DNAH6: variants seen among roughly 807,000 people sequenced by gnomAD.
The protein encoded by DNAH6 is axonemal beta dynein heavy chain 6.
DNAH6 carries 340 observed loss-of-function variants against 491.4 expected under a neutral mutation model. The observed-to-expected ratio is 0.69, with a 90% CI of 0.63 to 0.76. The LOEUF is 0.76. DNAH6 is among the 30% of genes least tolerant of loss of function. DNAH6 has a pLI of 0.00. For missense variants in DNAH6, 4,443 were observed against 4,972.2 expected, an observed-to-expected ratio of 0.89 and a Z score of 3.20; for synonymous variants, 1,603 against 1,686.1, an observed-to-expected ratio of 0.95 and a Z score of 1.21.
chr2:84,561,230 G>A (rs1331304884), intron 11 of DNAH6, among the ~76,000 whole-genome samples: 2 of 152,018 alleles, frequency 1.3e-5, no homozygotes, highest in Admixed American at 6.6e-5. Context: ...CAGAAATAAC[G>A]CCGCATATCT....
At chr2:84,633,891 C>T (rs1688628240) in intron 29 of DNAH6, among the ~76,000 whole-genome samples, 1 of 152,072 alleles carries the variant, frequency 6.6e-6, no homozygotes, top group Non-Finnish European at 1.5e-5. Flanking sequence ...AAATTTAAAA[C>T]CACTAGTTCT....
the DNAH6 span, among the ~76,000 whole-genome samples, chr2:84,465,962 C>T: frequency 2.6e-5 from 4 of 152,130 alleles, 1 homozygote; most frequent in Admixed American, 2.0e-4. Flanking sequence ...TTCATGTAAG[C>T]TCTTTTTAAG....
intron 62 of DNAH6, among the ~76,000 whole-genome samples, chr2:84,734,146 C>CTTT (rs11314819): frequency 3.1e-5 from 4 of 129,494 alleles, no homozygotes; most frequent in African/African-American, 8.7e-5. Flanking sequence ...TAAAACTACA[C>CTTT]TTTTTTTTTT....
chr2:84,516,180 A>C (rs1235619881), upstream of DNAH6, among the ~76,000 whole-genome samples: 2 of 152,236 alleles, frequency 1.3e-5, no homozygotes, highest in Non-Finnish European at 2.9e-5. Flanking sequence ...AACAGAAAAG[A>C]AATTCCTGTA....
intron 31 of DNAH6, among the ~76,000 whole-genome samples, chr2:84,638,754 ATTGGCTC>A (rs1689106157): frequency 6.6e-6 from 1 of 152,196 alleles, no homozygotes; most frequent in Non-Finnish European, 1.5e-5. Flanking sequence ...AAGAGGTTTA[ATTGGCTC>A]ATGGTTCTGC....
chr2:84,694,626 T>C, intron 46 of DNAH6, 146 bp downstream of exon 46: 1 of 609,854 alleles, frequency 1.6e-6, no homozygotes, highest in Non-Finnish European at 2.9e-6. Flanking sequence ...AAGACTTTTA[T>C]AATACATTTT....
intron 13 of DNAH6, among the ~76,000 whole-genome samples, chr2:84,578,074 CAG>C (rs1287170439): frequency 6.6e-6 from 1 of 152,120 alleles, no homozygotes; most frequent in Non-Finnish European, 1.5e-5. Flanking sequence ...GTAGTTGTGA[CAG>C]AGACTGTATT....
intron 11 of DNAH6, among the ~76,000 whole-genome samples, chr2:84,560,503 C>A (rs1355273913): frequency 6.7e-6 from 1 of 149,938 alleles, no homozygotes; most frequent in Non-Finnish European, 1.5e-5. Flanking sequence ...TACATGTGCA[C>A]AATGTGCAGG....
rs377514497 is a variant in DNAH6, at chr2:84,575,248, A to G, written c.1924+1661A>G. On this transcript the variant is annotated intron_variant, in intron 12 of 76. Transcript: ENST00000389394. ...TATTGTAGATCCTTAATAAATGTCTAACTGAACTTTTAGCCAGACTGCTCC... is the reference window on the plus strand; with the variant it reads ...TATTGTAGATCCTTAATAAATGTCTGACTGAACTTTTAGCCAGACTGCTCC... 7.2e-5 allele frequency among the ~76,000 whole-genome samples: 11 copies of G among 152,208 alleles called. No homozygotes were observed. The South Asian group carries it at 1.0e-3, about 14-fold the overall frequency.
chr2:84,723,862 G>A (rs1698397045), intron 60 of DNAH6, among the ~76,000 whole-genome samples: 1 of 152,154 alleles, frequency 6.6e-6, no homozygotes, highest in Non-Finnish European at 1.5e-5. Flanking sequence ...TTTCTCAAAA[G>A]CAAATTCAAT....
intron 42 of DNAH6, among the ~76,000 whole-genome samples, chr2:84,683,131 T>C (rs964772697): frequency 4.6e-5 from 7 of 152,212 alleles, no homozygotes; most frequent in African/African-American, 1.4e-4. Context: ...TGTCCCTTCA[T>C]AGCTCCTATT....
At chr2:84,551,069 A>G (rs1307532290) in intron 9 of DNAH6, among the ~76,000 whole-genome samples, 1 of 152,154 alleles carries the variant, frequency 6.6e-6, no homozygotes. Flanking sequence ...CAGAATACCT[A>G]CATGCTCACC....
chr2:84,628,737 T>C (rs1402488859), intron 29 of DNAH6, among the ~76,000 whole-genome samples: 1 of 152,054 alleles, frequency 6.6e-6, no homozygotes, highest in African/African-American at 2.4e-5. Flanking sequence ...CACTAGAAAA[T>C]GTCAGAGAAA....
chr2:84,713,626 C>A (rs1428435831), intron 57 of DNAH6, among the ~76,000 whole-genome samples: 1 of 152,216 alleles, frequency 6.6e-6, no homozygotes, highest in African/African-American at 2.4e-5. Context: ...CCTCCATCAG[C>A]AAAGACTATT....
chr2:84,515,308 C>T (rs955396699), upstream of DNAH6, among the ~76,000 whole-genome samples: 1 of 152,058 alleles, frequency 6.6e-6, no homozygotes, highest in Non-Finnish European at 1.5e-5. Flanking sequence ...TTTCCAGTTT[C>T]TCATTAGGGA....
At chr2:84,781,723 C>T in intron 65 of DNAH6, 70 bp downstream of exon 65, 1 of 1,439,364 alleles carries the variant, frequency 6.9e-7, no homozygotes, top group Non-Finnish European at 9.3e-7. Context: ...GAATTCATTC[C>T]TTATAGTAAT....
In DNAH6 at chr2:84,602,800, T is replaced by TTTG. The variant is rs199950431; in HGVS notation, c.2869-1537_2869-1536insGTT. ...TCCCACAGGTCTTGGATGCTCTGTT[T>TTTG]TTTTTTTTTTTTCTTTTCCCTCTTT... is the stretch of plus-strand genomic sequence containing the variant. On this transcript the variant is annotated intron_variant, in intron 18 of 76. Transcript: ENST00000389394. Among the ~76,000 whole-genome samples the TTTG allele has an allele frequency of 3.9e-3, 592 of 150,522 alleles. 7 individuals carry two copies. The highest frequency in any genetic ancestry group is 0.013 in the African/African-American group (541 of 41,094).
chr2:84,478,634 T>G, the DNAH6 span, among the ~76,000 whole-genome samples: 1 of 152,128 alleles, frequency 6.6e-6, no homozygotes, highest in Non-Finnish European at 1.5e-5. Context: ...AAAGCCAAAG[T>G]TGAATACCCT....
chr2:84,806,648 T>C (rs1679441535), intron 71 of DNAH6, among the ~76,000 whole-genome samples: 1 of 134,738 alleles, frequency 7.4e-6, no homozygotes, highest in South Asian at 2.3e-4. Context: ...AAAAAGGTCT[T>C]CCTGAATGAT....
Sources: gnomAD v4.1 joint callset for allele counts (sites outside exome capture counted in the v4.1 genomes callset) on GRCh38, gnomAD v4.1.1 for gene constraint, MANE v1.5 for transcripts, NCBI Gene and HGNC (gene_info 2026-07-23, HGNC 2026-07-21) for gene names.